Variants in XYLB observed in about 807,000 individuals in gnomAD.
The protein encoded by XYLB is xylulose kinase.
In XYLB, 62 loss-of-function variants were observed where a neutral mutation model predicts 78.7. The observed-to-expected ratio is 0.79, with a 90% CI of 0.64 to 0.97. XYLB has a LOEUF of 0.97. Ranked by LOEUF, XYLB falls within the 50% of genes least tolerant of loss-of-function variation. XYLB has a pLI of 0.00. For missense variants in XYLB, 687 were observed against 676.8 expected (o/e 1.02, Z -0.17); for synonymous variants, 245 against 247.4 (o/e 0.99, Z 0.09).
the XYLB span, among the ~76,000 whole-genome samples, chr3:38,447,957 C>T: frequency 1.3e-5 from 2 of 152,216 alleles, no homozygotes; most frequent in Non-Finnish European, 2.9e-5. Flanking sequence ...TGGCTCATGA[C>T]TGTAATCCTA....
intron 18 of XYLB, among the ~76,000 whole-genome samples, chr3:38,405,874 C>T (rs1412428693): frequency 6.6e-6 from 1 of 152,260 alleles, no homozygotes; most frequent in Non-Finnish European, 1.5e-5. Flanking sequence ...GTAAACAAAG[C>T]AGCCAGGAGG....
chr3:38,412,013 C>G (rs960854188), intron 18 of XYLB, among the ~76,000 whole-genome samples: 3 of 145,154 alleles, frequency 2.1e-5, no homozygotes, highest in African/African-American at 7.7e-5. Flanking sequence ...TTTTTTGAGA[C>G]AGAGTCTTGC....
At chr3:38,382,135 G>T (rs746620147) in intron 15 of XYLB, among the ~76,000 whole-genome samples, 7 of 152,096 alleles carry the variant, frequency 4.6e-5, no homozygotes, top group Non-Finnish European at 8.8e-5. Flanking sequence ...AAGAACCTAC[G>T]TGATTATCGG....
chr3:38,351,351 C>T (rs6781663), intron 2 of XYLB, among the ~76,000 whole-genome samples: 135,322 of 151,750 alleles, frequency 0.89, 60,978 homozygotes, highest in East Asian at 1. Flanking sequence ...CTCTCTTCCA[C>T]TTAATAAGTC....
chr3:38,420,098 C>T (rs1024949199), exon 18 of XYLB, among the ~76,000 whole-genome samples: 12 of 152,090 alleles, frequency 7.9e-5, no homozygotes, highest in Non-Finnish European at 1.0e-4. Flanking sequence ...AATTAACAGG[C>T]GTGAGCCACC....
intron 18 of XYLB, among the ~76,000 whole-genome samples, chr3:38,412,098 C>T (rs1490580233): frequency 6.6e-6 from 1 of 151,496 alleles, no homozygotes; most frequent in African/African-American, 2.4e-5. Context: ...TCAAGTGATT[C>T]TCCTACCTCA....
the XYLB span, among the ~76,000 whole-genome samples, chr3:38,429,933 C>A: frequency 6.6e-6 from 1 of 152,218 alleles, no homozygotes; most frequent in Non-Finnish European, 1.5e-5. Context: ...ATATGTGCCA[C>A]ATTTTCTTAA....
the XYLB span, among the ~76,000 whole-genome samples, chr3:38,428,208 T>G: frequency 6.6e-6 from 1 of 152,246 alleles, no homozygotes; most frequent in African/African-American, 2.4e-5. Context: ...ATTCAAGTTT[T>G]TAAAACTTAC....
chr3:38,446,467 C>T, the XYLB span, among the ~76,000 whole-genome samples: 2 of 152,116 alleles, frequency 1.3e-5, no homozygotes, highest in South Asian at 4.1e-4. Flanking sequence ...CAGTAGCAAC[C>T]CTGAGTGAAA....
At position 38,360,282 on chromosome 3, in the gene XYLB, T is replaced by G. The variant is rs961755834; in HGVS notation, c.141-57T>G. The G allele has an allele frequency of 5.9e-6, 9 of 1,525,080 alleles. No individual in the cohort carries two copies. In the Admixed American group the frequency reaches 1.5e-4, roughly 25 times the overall value. The allele number at this position is 1,525,080 out of a possible 1,614,324, so 94.5% of individuals were successfully genotyped here. ...CATCCACCATAGGGTTTCTCCTGGC[T>G]TTGCAATGGTCTGCCTGCCCTGAGG... On this transcript the variant is annotated intron_variant, in intron 2 of 18. Transcript: ENST00000207870.
chr3:38,409,929 A>T (rs1441756333), intron 18 of XYLB, among the ~76,000 whole-genome samples: 1 of 152,256 alleles, frequency 6.6e-6, no homozygotes, highest in Non-Finnish European at 1.5e-5. Flanking sequence ...GGATAGGAGG[A>T]ATCAATATCA....
intron 11 of XYLB, among the ~76,000 whole-genome samples, chr3:38,374,762 T>G (rs1706760524): frequency 6.6e-6 from 1 of 152,126 alleles, no homozygotes. Context: ...GTGGCCAGTC[T>G]TAGTGCATGC....
intron 10 of XYLB, 132 bp from the exon 11 acceptor site, chr3:38,374,330 C>A: frequency 7.6e-7 from 1 of 1,317,774 alleles, no homozygotes. Context: ...AGCTCCCCTG[C>A]TCCTGCCTCC....
chr3:38,401,257 G>C (rs1341998218), intron 18 of XYLB, among the ~76,000 whole-genome samples: 1 of 151,892 alleles, frequency 6.6e-6, no homozygotes. Flanking sequence ...CCATGTCACT[G>C]GGCTATAAAA....
intron 3 of XYLB, 113 bp downstream of exon 3, chr3:38,360,521 A>T: frequency 4.6e-6 from 4 of 872,366 alleles, no homozygotes; most frequent in East Asian, 2.7e-5. Flanking sequence ...TGTTGTCACC[A>T]GGTCCTCATG....
rs377019792 is a variant in XYLB at position 38,371,086 on chromosome 3, G to T, written c.765+912G>T. On this transcript the variant is annotated intron_variant, in intron 9 of 18. Coordinates refer to ENST00000207870, the MANE Select transcript of XYLB (RefSeq NM_005108.4). ...GGAGGGGCTGCTGTGAGGACTTCGC[G>T]TTGGGAGTCTCAGCCACAGAAGCAC... Among the ~76,000 whole-genome samples the T allele has an allele frequency of 3.8e-4, 58 of 152,244 alleles. No individual in the cohort carries two copies. The East Asian group carries it at 9.7e-3, about 25-fold the overall frequency.
intron 18 of XYLB, among the ~76,000 whole-genome samples, chr3:38,408,518 A>C (rs1174805175): frequency 2.6e-5 from 4 of 151,766 alleles, no homozygotes; most frequent in Non-Finnish European, 5.9e-5. Context: ...AGCAGAAGGC[A>C]AGAAATAACT....
chr3:38,381,124 G>A (rs1322027868), intron 15 of XYLB, among the ~76,000 whole-genome samples: 3 of 152,158 alleles, frequency 2.0e-5, no homozygotes, highest in Non-Finnish European at 4.4e-5. Flanking sequence ...CCAAACGGAG[G>A]GACTGGCTGA....
chr3:38,449,763 T>C, the XYLB span, among the ~76,000 whole-genome samples: 71 of 152,336 alleles, frequency 4.7e-4, no homozygotes, highest in Non-Finnish European at 8.7e-4. Flanking sequence ...GTAGAGCTTG[T>C]TTGTTGACCT....
Sources: gnomAD v4.1 joint callset for allele counts (sites outside exome capture counted in the v4.1 genomes callset) on GRCh38, gnomAD v4.1.1 for gene constraint, MANE v1.5 for transcripts, NCBI Gene and HGNC (gene_info 2026-07-23, HGNC 2026-07-21) for gene names.